The following NUP35 variants were observed in gnomAD, a reference collection of about 807,000 sequenced individuals.
The protein encoded by NUP35 is nucleoporin NUP35.
NUP35 carries 25 observed loss-of-function variants against 41.5 expected under a neutral mutation model. The observed-to-expected ratio is 0.60, with a 90% confidence interval of 0.44 to 0.84. The LOEUF (loss-of-function observed/expected upper bound fraction) is 0.84, where lower values mean the gene tolerates loss of function less well. Among genes scored for constraint, NUP35 ranks in the 40% least tolerant of loss-of-function variants. NUP35 has a pLI of 0.00. For missense variants in NUP35, 396 were observed against 396.6 expected (o/e 1.00, Z 0.01); for synonymous variants, 149 against 130.7 (o/e 1.14, Z -0.96).
intron 4 of NUP35, among the ~76,000 whole-genome samples, chr2:183,140,411 CTT>C (rs1469756973): frequency 6.6e-6 from 1 of 152,014 alleles, no homozygotes; most frequent in Non-Finnish European, 1.5e-5. Context: ...CTAGGATAAT[CTT>C]ATTTTTAATT....
At chr2:183,129,957 A>G (rs1684639869) in intron 2 of NUP35, among the ~76,000 whole-genome samples, 1 of 152,188 alleles carries the variant, frequency 6.6e-6, no homozygotes, top group African/African-American at 2.4e-5. Context: ...AATGGGATCT[A>G]CTTAATCTAG....
intron 1 of NUP35, chr2:183,118,794 G>T (rs1293503053): frequency 1.3e-5 from 2 of 152,206 alleles, no homozygotes; most frequent in East Asian, 3.8e-4. Flanking sequence ...AGTACACTTG[G>T]AAGAGGGCCA....
chr2:183,133,037 T>A (rs1170274894), intron 3 of NUP35, among the ~76,000 whole-genome samples: 2 of 152,212 alleles, frequency 1.3e-5, no homozygotes, highest in Non-Finnish European at 2.9e-5. Context: ...ACTATTTTAA[T>A]CCTTAATTTT....
At chr2:183,151,726 A>AC (rs1298526380) in intron 5 of NUP35, 77 bp downstream of exon 5, 1 of 1,397,094 alleles carries the variant, frequency 7.2e-7, no homozygotes, top group African/African-American at 1.4e-5. Flanking sequence ...ACATACAGTA[A>AC]AATGGAAAGA....
intron 4 of NUP35, among the ~76,000 whole-genome samples, chr2:183,144,341 G>T (rs902689389): frequency 5.3e-5 from 8 of 152,176 alleles, no homozygotes; most frequent in Non-Finnish European, 1.0e-4. Context: ...CCAATCAGGT[G>T]GTTGAGTTCA....
intron 3 of NUP35, among the ~76,000 whole-genome samples, chr2:183,132,249 T>A (rs1020019347): frequency 6.6e-6 from 1 of 152,108 alleles, no homozygotes; most frequent in Non-Finnish European, 1.5e-5. Context: ...CTTGAACTCC[T>A]GAGCTCAAGT....
chr2:183,120,408 T>G (rs1027973679), upstream of NUP35, among the ~76,000 whole-genome samples: 3 of 146,112 alleles, frequency 2.1e-5, no homozygotes, highest in African/African-American at 7.8e-5. Context: ...ATCGCTCCAC[T>G]GTACTCCAGC....
At position 183,133,590 on chromosome 2, in the gene NUP35, C is replaced by T. The variant is rs757728052; in HGVS notation, c.364C>T (p.Pro122Ser). 3.8e-6 allele frequency: 6 copies of T among 1,599,424 alleles called. No homozygotes were observed. The highest frequency in any genetic ancestry group is 4.3e-6 in the Non-Finnish European group (5 of 1,175,638). The part of the protein sequence containing the change: ...RQPNISVMQS[P>S]LVGVTSTPGT... ...GCCAAACATTTCAGTAATGCAGAGTCCTCTTGTTGGAGTTACATCTACTCC... is the reference window on the plus strand; with the variant it reads ...GCCAAACATTTCAGTAATGCAGAGTTCTCTTGTTGGAGTTACATCTACTCC... The change falls in exon 4 of 9, where the codon CCT (proline) becomes TCT (serine). Residue 122 changes from proline to serine, a missense_variant. By Grantham distance (74) the Pro-to-Ser change is moderately conservative (BLOSUM62 -1). Transcript: ENST00000295119.
intron 4 of NUP35, among the ~76,000 whole-genome samples, chr2:183,137,163 T>C (rs1202622099): frequency 2.0e-5 from 3 of 152,296 alleles, no homozygotes; most frequent in Admixed American, 6.5e-5. Flanking sequence ...ATCTAGAATG[T>C]CACCCTAGTC....
At chr2:183,135,385 T>C (rs1349357916) in intron 4 of NUP35, among the ~76,000 whole-genome samples, 1 of 152,032 alleles carries the variant, frequency 6.6e-6, no homozygotes, top group African/African-American at 2.4e-5. Flanking sequence ...GGATGGTGAC[T>C]GAAATGGAGT....
chr2:183,134,241 A>G (rs1360595806), intron 4 of NUP35, among the ~76,000 whole-genome samples: 1 of 152,200 alleles, frequency 6.6e-6, no homozygotes, highest in African/African-American at 2.4e-5. Context: ...TTGAGCACCT[A>G]ACTGTGTACT....
intron 4 of NUP35, among the ~76,000 whole-genome samples, chr2:183,139,923 T>A (rs1250767484): frequency 6.6e-6 from 1 of 152,240 alleles, no homozygotes; most frequent in Non-Finnish European, 1.5e-5. Context: ...GTAACTAATA[T>A]ATGTAAATAT....
intron 5 of NUP35, among the ~76,000 whole-genome samples, chr2:183,156,030 T>C (rs1311153350): frequency 6.6e-6 from 1 of 152,194 alleles, no homozygotes; most frequent in Non-Finnish European, 1.5e-5. Flanking sequence ...CTTTCTTTGG[T>C]AGTTTAACTT....
intron 4 of NUP35, among the ~76,000 whole-genome samples, chr2:183,140,415 T>C (rs549873643): frequency 1.3e-5 from 2 of 152,318 alleles, no homozygotes; most frequent in Non-Finnish European, 2.9e-5. Flanking sequence ...GATAATCTTA[T>C]TTTTAATTAG....
rs189966297 is a variant in NUP35 at position 183,130,927 on chromosome 2, A to C, written c.339+382A>C. 1.7e-4 allele frequency: 190 copies of C among 1,110,750 alleles called. 1 individual carries two copies. In the African/African-American group the frequency reaches 2.4e-3, roughly 14 times the overall value. 68.8% of individuals were successfully genotyped at this position (1,110,750 alleles called of 1,614,324 possible). A position where few individuals can be genotyped will look rare whatever the true frequency, so the allele number is the denominator to read the frequency against. On this transcript the variant is annotated intron_variant, in intron 3 of 8. Coordinates refer to ENST00000295119, the MANE Select transcript of NUP35 (RefSeq NM_138285.5). ...AGAACAAATGAAAATTTAGAGTTTC[A>C]TCTAGATCTAGGGCACTCGTCAGCT...
At chr2:183,154,920 C>T (rs1280844610) in intron 5 of NUP35, among the ~76,000 whole-genome samples, 1 of 152,038 alleles carries the variant, frequency 6.6e-6, no homozygotes, top group Non-Finnish European at 1.5e-5. Context: ...AGAATCATGG[C>T]GGGAGGCAAA....
At position 183,133,546 on chromosome 2, in the gene NUP35, A is replaced by G. The variant is rs1461827549; in HGVS notation, c.340-20A>G. 4 of 1,594,640 alleles carry G rather than the reference A, an allele frequency of 2.5e-6. No individual in the cohort carries two copies. The highest frequency in any genetic ancestry group is 3.4e-6 in the Non-Finnish European group (4 of 1,171,198). On this transcript the variant is annotated intron_variant, in intron 3 of 8. Transcript: ENST00000295119. ...TTATGTTTTGCATTTTTACCATAAC[A>G]CTTTCTTCTGTTTGTGTAGCCAAAC... is the stretch of plus-strand genomic sequence containing the variant.
rs1378064730 is a variant in NUP35, at chr2:183,138,261, A to ATT, written c.397+4639_397+4640insTT. On this transcript the variant is annotated intron_variant, in intron 4 of 8. Transcript: ENST00000295119. Reference sequence around the variant, plus strand: ...CATTTAGAGCTATATATATATATATATATATATATTTTTTTTTTTTTTTAG... The same window carrying ATT: ...CATTTAGAGCTATATATATATATATATTTATATATATTTTTTTTTTTTTTTAG... Among the ~76,000 whole-genome samples the ATT allele has an allele frequency of 3.6e-3, 185 of 51,998 alleles. 2 individuals are homozygous for ATT. Among genetic ancestry groups the ATT allele is most frequent in the African/African-American group, 0.011 (172 of 15,794 alleles). The allele number at this position is 51,998 out of a possible 152,430, so 34.1% of individuals were successfully genotyped here.
At chr2:183,121,865 C>T (rs1191776207), upstream of NUP35, among the ~76,000 whole-genome samples, 7 of 150,056 alleles carry the variant, frequency 4.7e-5, no homozygotes, top group African/African-American at 1.7e-4. Flanking sequence ...ATAGCAATAA[C>T]ACCTGTCATC....
Sources: allele counts gnomAD v4.1 joint callset (sites outside exome capture counted in the v4.1 genomes callset), GRCh38; gene constraint gnomAD v4.1.1; transcripts MANE v1.5; gene names NCBI Gene and HGNC (gene_info 2026-07-23, HGNC 2026-07-21).